TTC7B: variants seen among roughly 807,000 people sequenced by gnomAD.
The protein encoded by TTC7B is tetratricopeptide repeat protein 7B.
A neutral mutation model predicts 106.8 loss-of-function variants in TTC7B; 28 were observed. That is an observed-to-expected ratio of 0.26 (90% CI 0.19 to 0.36). TTC7B has a LOEUF of 0.36. Ranked by LOEUF, TTC7B falls within the 10% of genes least tolerant of loss-of-function variation. TTC7B has a pLI of 1.00. For synonymous variants in TTC7B, 405 were observed against 430.6 expected (o/e 0.94, Z 0.74); for missense variants, 862 against 1,076.4 (o/e 0.80, Z 2.79).
chr14:90,582,238 C>T (rs986812486), intron 18 of TTC7B, among the ~76,000 whole-genome samples: 1 of 152,226 alleles, frequency 6.6e-6, no homozygotes, highest in African/African-American at 2.4e-5. Flanking sequence ...CTCTGAGGCG[C>T]CACTGGGAAC....
At chr14:90,672,364 CA>C (rs144061954) in intron 9 of TTC7B, among the ~76,000 whole-genome samples, 1,991 of 152,334 alleles carry the variant, frequency 0.013, 32 homozygotes, top group African/African-American at 0.046. Flanking sequence ...ATCGCATCTT[CA>C]AGGGGCACAT....
At chr14:90,727,189 C>T (rs1246067629) in intron 5 of TTC7B, among the ~76,000 whole-genome samples, 3 of 152,152 alleles carry the variant, frequency 2.0e-5, no homozygotes, top group Non-Finnish European at 4.4e-5. Context: ...AATCACCCAA[C>T]CAACAGAGGC....
intron 5 of TTC7B, among the ~76,000 whole-genome samples, chr14:90,728,337 CAAAAAAAAAA>C (rs35504744): frequency 3.7e-4 from 15 of 40,048 alleles, no homozygotes; most frequent in African/African-American, 1.4e-3. Context: ...GTCCCCCCCG[CAAAAAAAAAA>C]AAAAAAAAAA....
At chr14:90,556,879 C>T (rs1008656020) in intron 19 of TTC7B, among the ~76,000 whole-genome samples, 2 of 152,172 alleles carry the variant, frequency 1.3e-5, no homozygotes, top group Admixed American at 1.3e-4. Flanking sequence ...AATAGCAGGC[C>T]CAGGCAGAGG....
chr14:90,549,759 C>T (rs1566763954), intron 19 of TTC7B, among the ~76,000 whole-genome samples: 1 of 152,158 alleles, frequency 6.6e-6, no homozygotes, highest in Non-Finnish European at 1.5e-5. Context: ...GATGCTTTAT[C>T]TGCATAAGGG....
intron 12 of TTC7B, 130 bp downstream of exon 12, chr14:90,654,863 G>T (rs1028062303): frequency 2.8e-6 from 2 of 718,612 alleles, no homozygotes; most frequent in South Asian, 1.8e-5. Flanking sequence ...GGGCCCCACC[G>T]GATGGCACAC....
In TTC7B at chr14:90,548,494, T is replaced by C. The variant is rs182323641; in HGVS notation, c.2311-6905A>G. On this transcript the variant is annotated intron_variant, in intron 19 of 19. Coordinates refer to ENST00000328459, the MANE Select transcript of TTC7B (RefSeq NM_001010854.2). Reference sequence around the variant, plus strand: ...GTGCAAGCCATTATGATCAATGTAGTGTATGTTTTGCTGACTGCAAAGTGC... The same window carrying C: ...GTGCAAGCCATTATGATCAATGTAGCGTATGTTTTGCTGACTGCAAAGTGC... 2.0e-3 allele frequency among the ~76,000 whole-genome samples: 309 copies of C among 152,312 alleles called. 2 individuals are homozygous for C. Among genetic ancestry groups the C allele is most frequent in the Middle Eastern group, 3.4e-3 (1 of 294 alleles).
In TTC7B at chr14:90,699,205, A is replaced by C. The variant is rs1041677300; in HGVS notation, c.699-3627T>G. The C allele has an allele frequency of 2.2e-5, 10 of 455,864 alleles. No individual in the cohort carries two copies. The Middle Eastern group carries it at 9.7e-4, about 44-fold the overall frequency. 28.2% of individuals were successfully genotyped at this position (455,864 alleles called of 1,614,324 possible). On this transcript the variant is annotated intron_variant, in intron 5 of 19. Transcript: ENST00000328459. Reference sequence around the variant, plus strand: ...CTCTGAACCACATTCTCGGCTCTTTAATATTGCCATCTGTCCCTCTGTGAT... The same window carrying C: ...CTCTGAACCACATTCTCGGCTCTTTCATATTGCCATCTGTCCCTCTGTGAT...
At chr14:90,786,707 G>A (rs1891404004) in intron 1 of TTC7B, among the ~76,000 whole-genome samples, 1 of 152,064 alleles carries the variant, frequency 6.6e-6, no homozygotes, top group Non-Finnish European at 1.5e-5. Context: ...AGCTTCCCGA[G>A]TAGCTGGGAT....
intron 5 of TTC7B, among the ~76,000 whole-genome samples, chr14:90,700,223 G>A (rs1887932173): frequency 6.6e-6 from 1 of 152,178 alleles, no homozygotes; most frequent in Non-Finnish European, 1.5e-5. Context: ...TTTCTAGAGA[G>A]CTACGTGGAT....
At chr14:90,665,992 T>G (rs74081281) in intron 9 of TTC7B, among the ~76,000 whole-genome samples, 2,877 of 152,278 alleles carry the variant, frequency 0.019, 78 homozygotes, top group African/African-American at 0.066. Context: ...ACTGACAGAA[T>G]CACAGAGCAA....
intron 5 of TTC7B, among the ~76,000 whole-genome samples, chr14:90,696,547 G>A (rs551588694): frequency 6.6e-6 from 1 of 152,286 alleles, no homozygotes; most frequent in South Asian, 2.1e-4. Context: ...TCTCTTCTTG[G>A]ACGACATTTT....
intron 1 of TTC7B, among the ~76,000 whole-genome samples, chr14:90,814,735 G>A (rs919109948): frequency 6.6e-6 from 1 of 152,166 alleles, no homozygotes; most frequent in African/African-American, 2.4e-5. Context: ...CGGAGAAGCA[G>A]GTGAGCCCGA....
At chr14:90,679,992 T>A (rs1886988605) in intron 8 of TTC7B, among the ~76,000 whole-genome samples, 1 of 152,198 alleles carries the variant, frequency 6.6e-6, no homozygotes, top group South Asian at 2.1e-4. Context: ...GGCAGGAGGA[T>A]GAGAGTTTCA....
At chr14:90,737,177 A>T (rs1047044852) in intron 4 of TTC7B, among the ~76,000 whole-genome samples, 1 of 152,202 alleles carries the variant, frequency 6.6e-6, no homozygotes, top group African/African-American at 2.4e-5. Flanking sequence ...CTGTAAGAAA[A>T]CAACACTTCC....
At chr14:90,787,782 C>A (rs953149204) in intron 1 of TTC7B, among the ~76,000 whole-genome samples, 1 of 152,142 alleles carries the variant, frequency 6.6e-6, no homozygotes, top group African/African-American at 2.4e-5. Flanking sequence ...AGAGATGAGA[C>A]CTAGAGTTCT....
chr14:90,593,733 T>G, intron 17 of TTC7B, 107 bp from the exon 18 acceptor site: 1 of 1,156,700 alleles, frequency 8.6e-7, no homozygotes, highest in Admixed American at 2.9e-5. Context: ...CCTTCCCCCA[T>G]GATGTTTCTA....
chr14:90,707,303 G>T (rs1888251010), intron 5 of TTC7B, among the ~76,000 whole-genome samples: 2 of 152,150 alleles, frequency 1.3e-5, no homozygotes, highest in Admixed American at 6.6e-5. Context: ...GTGCCCCACT[G>T]ACCAGCCATT....
chr14:90,806,333 G>C (rs2030607717), intron 1 of TTC7B, among the ~76,000 whole-genome samples: 1 of 152,218 alleles, frequency 6.6e-6, no homozygotes, highest in Admixed American at 6.5e-5. Context: ...GCCTCGTTCT[G>C]TGACCCAGCC....
Sources: allele counts gnomAD v4.1 joint callset (sites outside exome capture counted in the v4.1 genomes callset), GRCh38; gene constraint gnomAD v4.1.1; transcripts MANE v1.5; gene names NCBI Gene and HGNC (gene_info 2026-07-23, HGNC 2026-07-21).